Variants in SLC22A25 observed in about 807,000 individuals in gnomAD.
SLC22A25 encodes the protein solute carrier family 22 member 25.
Under a neutral mutation model 45.9 loss-of-function variants are expected in SLC22A25, and 44 were observed. The ratio of observed to expected loss-of-function variants is 0.96; its 90% CI spans 0.75 to 1.23. SLC22A25 has a LOEUF of 1.23. Among genes scored for constraint, SLC22A25 ranks in the 50% most tolerant of loss-of-function variants. The pLI is 0.00. For missense variants in SLC22A25, 800 were observed against 666.4 expected (o/e 1.20, Z -2.21); for synonymous variants, 283 against 238.6 (o/e 1.19, Z -1.72).
At chr11:63,241,989 T>C (rs1160745402) in intron 1 of SLC22A25, among the ~76,000 whole-genome samples, 2 of 152,220 alleles carry the variant, frequency 1.3e-5, no homozygotes, top group Non-Finnish European at 2.9e-5. Flanking sequence ...CTTAATGTCA[T>C]TACCTCTCAG....
intron 9 of SLC22A25, among the ~76,000 whole-genome samples, chr11:63,177,337 A>G (rs2088126370): frequency 7.0e-6 from 1 of 142,398 alleles, no homozygotes; most frequent in Non-Finnish European, 1.5e-5. Flanking sequence ...ATTATCTCAC[A>G]CATTCATCAT....
chr11:63,195,806 A>AC (rs1554975516), intron 7 of SLC22A25, among the ~76,000 whole-genome samples: 4 of 152,088 alleles, frequency 2.6e-5, no homozygotes, highest in Non-Finnish European at 5.9e-5. Context: ...AAATTAATGA[A>AC]TCCAGGAGCT....
chr11:63,179,022 T>C (rs1590800477), intron 9 of SLC22A25, among the ~76,000 whole-genome samples: 1 of 152,046 alleles, frequency 6.6e-6, no homozygotes, highest in Non-Finnish European at 1.5e-5. Context: ...AGTGCAGTGG[T>C]GCAATCTTGG....
At chr11:63,232,442 A>C (rs368384722) in intron 3 of SLC22A25, among the ~76,000 whole-genome samples, 2 of 152,106 alleles carry the variant, frequency 1.3e-5, no homozygotes, top group Non-Finnish European at 2.9e-5. Flanking sequence ...TTTGTCTGCT[A>C]TTGGTGTATA....
chr11:63,194,889 GCA>G (rs2088952192), intron 7 of SLC22A25, among the ~76,000 whole-genome samples: 6 of 14,314 alleles, frequency 4.2e-4, no homozygotes, highest in Admixed American at 1.0e-3. Flanking sequence ...CAAATGGAAA[GCA>G]AAAAAAAAAA....
intron 7 of SLC22A25, among the ~76,000 whole-genome samples, chr11:63,184,494 A>G (rs1362508090): frequency 6.6e-6 from 1 of 152,182 alleles, no homozygotes; most frequent in Non-Finnish European, 1.5e-5. Flanking sequence ...TGTTAAGGGA[A>G]GGGGTATAGT....
At chr11:63,184,197 T>C (rs766318269) in intron 7 of SLC22A25, among the ~76,000 whole-genome samples, 6 of 152,116 alleles carry the variant, frequency 3.9e-5, no homozygotes, top group Non-Finnish European at 8.8e-5. Flanking sequence ...CCTGAAATAA[T>C]TGATGTATGC....
At chr11:63,180,846 A>T (rs1288803968) in intron 8 of SLC22A25, 71 bp from the exon 9 acceptor site, 2 of 1,065,792 alleles carry the variant, frequency 1.9e-6, no homozygotes, top group Non-Finnish European at 2.8e-6. Flanking sequence ...AGGACTTGTC[A>T]ACCAACAGAT....
chr11:63,191,003 C>T (rs143630670), intron 7 of SLC22A25, among the ~76,000 whole-genome samples: 24 of 152,338 alleles, frequency 1.6e-4, no homozygotes, highest in African/African-American at 5.8e-4. Context: ...CAGGGACCCA[C>T]TTGAGGAGGC....
chr11:63,233,776 G>T lies in SLC22A25; in HGVS notation c.-444-3680C>A, dbSNP rs557354360. Among the ~76,000 whole-genome samples, 1,282 of 152,258 alleles carry T rather than the reference G, an allele frequency of 8.4e-3. 29 individuals are homozygous for T. Among genetic ancestry groups the T allele is most frequent in the African/African-American group, 0.029 (1,219 of 41,530 alleles). On this transcript the variant is annotated intron_variant, in intron 3 of 11. Transcript: ENST00000306494. ...CTGCTTTCTCTTGTAGGCATTTAGT[G>T]CTATAAATTTCCCTCTACACACTGC... is the stretch of plus-strand genomic sequence containing the variant.
chr11:63,199,298 T>C (rs1380077513), intron 7 of SLC22A25, among the ~76,000 whole-genome samples: 1 of 151,594 alleles, frequency 6.6e-6, no homozygotes, highest in Non-Finnish European at 1.5e-5. Context: ...AACTAGAAAA[T>C]CTAGAAGAAA....
chr11:63,188,462 GTCTA>G (rs1377057385), intron 7 of SLC22A25, among the ~76,000 whole-genome samples: 6 of 152,070 alleles, frequency 3.9e-5, no homozygotes, highest in African/African-American at 7.2e-5. Flanking sequence ...CCTGCTAGCG[GTCTA>G]TCTATTTTGT....
At chr11:63,232,150 T>G (rs1219769620) in intron 3 of SLC22A25, among the ~76,000 whole-genome samples, 1 of 152,184 alleles carries the variant, frequency 6.6e-6, no homozygotes, top group Non-Finnish European at 1.5e-5. Flanking sequence ...TTTAAAGTAG[T>G]TTTTTCCAAT....
At chr11:63,189,271 G>C (rs1453377597) in intron 7 of SLC22A25, among the ~76,000 whole-genome samples, 1 of 152,200 alleles carries the variant, frequency 6.6e-6, no homozygotes, top group Non-Finnish European at 1.5e-5. Flanking sequence ...AGCTCTTCTT[G>C]TTGAATTGAC....
At chr11:63,178,089 G>A (rs1305813243) in intron 9 of SLC22A25, among the ~76,000 whole-genome samples, 1 of 150,788 alleles carries the variant, frequency 6.6e-6, no homozygotes, top group Admixed American at 6.6e-5. Flanking sequence ...TCAGGGTTTT[G>A]CCATGTTACT....
chr11:63,180,943 A>G (rs922776036), intron 8 of SLC22A25, among the ~76,000 whole-genome samples, 168 bp from the exon 9 acceptor site: 6 of 152,214 alleles, frequency 3.9e-5, no homozygotes, highest in Admixed American at 2.0e-4. Flanking sequence ...TATGGAAGTT[A>G]GAATAGAGAG....
chr11:63,193,753 TCTC>T (rs2134759946), intron 7 of SLC22A25, among the ~76,000 whole-genome samples: 1 of 152,206 alleles, frequency 6.6e-6, no homozygotes, highest in South Asian at 2.1e-4. Flanking sequence ...GAGTGCCTCT[TCTC>T]CTCCAAAGGA....
At chr11:63,164,186 C>T (rs1244407899) in intron 11 of SLC22A25, 113 bp from the exon 12 acceptor site, 3 of 1,366,042 alleles carry the variant, frequency 2.2e-6, no homozygotes, top group Non-Finnish European at 3.0e-6. Context: ...GAGGTGATAA[C>T]ATACTCTTGC....
At chr11:63,238,219 CTG>C (rs2090194637) in intron 2 of SLC22A25, among the ~76,000 whole-genome samples, 1 of 152,178 alleles carries the variant, frequency 6.6e-6, no homozygotes, top group Non-Finnish European at 1.5e-5. Context: ...GCCTCTAAAA[CTG>C]TAGGTTATAT....
Sources: gnomAD v4.1 joint callset for allele counts (sites outside exome capture counted in the v4.1 genomes callset) on GRCh38, gnomAD v4.1.1 for gene constraint, MANE v1.5 for transcripts, NCBI Gene and HGNC (gene_info 2026-07-23, HGNC 2026-07-21) for gene names.